The following SCN4A variants were observed in gnomAD, a reference collection of about 807,000 sequenced individuals.
The protein encoded by SCN4A is sodium channel protein type 4 subunit alpha.
In SCN4A, 83 loss-of-function variants were observed where a neutral mutation model predicts 162.0. That is an observed-to-expected ratio of 0.51 (90% CI 0.43 to 0.61). SCN4A has a LOEUF of 0.61. SCN4A is among the 20% of genes least tolerant of loss of function. SCN4A has a pLI of 0.00. For synonymous variants in SCN4A, 944 were observed against 985.1 expected, an observed-to-expected ratio of 0.96 and a Z score of 0.78; for missense variants, 2,196 against 2,462.5, an observed-to-expected ratio of 0.89 and a Z score of 2.29.
Position 63,944,395 on chromosome 17 carries a change from C to T in SCN4A, c.3912+278G>A, listed in dbSNP as rs991850954. ...GGTCTCGAACTCCTGACCTTGTGAT[C>T]CGCCCGCCTCGGCCTCCCAAAGTGC... is the stretch of plus-strand genomic sequence containing the variant. On this transcript the variant is annotated intron_variant, in intron 21 of 23. Coordinates refer to ENST00000435607, the MANE Select transcript of SCN4A (RefSeq NM_000334.4). This position sits in a 1 kb window ranked among gnomAD's most constrained non-coding sequence, Gnocchi z 4.3. Among the ~76,000 whole-genome samples the T allele has an allele frequency of 9.9e-5, 15 of 152,088 alleles. No homozygotes were observed. Among genetic ancestry groups the T allele is most frequent in the African/African-American group, 3.6e-4 (15 of 41,396 alleles).
At position 63,949,414 on chromosome 17, in the gene SCN4A, G is replaced by A. The variant is rs746636914; in HGVS notation, c.2968C>T (p.Pro990Ser). The change falls in exon 15 of 24, where the codon CCT becomes TCT. Residue 990 changes from proline to serine, a missense_variant. Pro to Ser is a moderately conservative substitution (Grantham distance 74, BLOSUM62 -1). Coordinates refer to ENST00000435607, the MANE Select transcript of SCN4A (RefSeq NM_000334.4). The stretch of plus-strand genomic sequence containing the variant: ...TCACCCTCAGTGAAGCACTCCTCAG[G>A]CTGCTCCCCCTCGGGGTTCTCCTCT... ...QAEENPEGEQ[P>S]EECFTEACVQ... 3 of 1,587,484 alleles carry A rather than the reference G, an allele frequency of 1.9e-6. No homozygotes were observed. The highest frequency in any genetic ancestry group is 1.7e-6 in the Non-Finnish European group (2 of 1,166,198).
chr17:63,965,681 G>T (rs1228150549), intron 8 of SCN4A, among the ~76,000 whole-genome samples: 1 of 152,150 alleles, frequency 6.6e-6, no homozygotes, highest in Non-Finnish European at 1.5e-5. Context: ...TAGAGATGGG[G>T]TTTCACTATG....
rs1361428850 is a variant in SCN4A, at chr17:63,966,086, G to C, written c.1242+16C>G. On this transcript the variant is annotated intron_variant, in intron 8 of 23. Transcript: ENST00000435607. ...AGTGGCTGTAGGGTTGGGGGGCAGG[G>C]TGGGGGCAGCTGTACCAGCTGGAAG... 2.6e-6 allele frequency: 4 copies of C among 1,564,014 alleles called. No individual in the cohort carries two copies. The highest frequency in any genetic ancestry group is 1.7e-4 in the Middle Eastern group (1 of 5,894).
chr17:63,966,573 C>A, intron 6 of SCN4A, 29 bp from the exon 7 acceptor site: 1 of 1,576,888 alleles, frequency 6.3e-7, no homozygotes, highest in Non-Finnish European at 8.7e-7. Flanking sequence ...ACAAAGGAGG[C>A]AAGTCACCCA....
chr17:63,963,609 C>T lies in SCN4A; in HGVS notation c.1606+63G>A, dbSNP rs184411613. Reference sequence around the variant, plus strand: ...CACCTTCCATGGCATCCCTATCCTCCTGAATCCAGTCCAGCCAGGCTCCAC... The same window carrying T: ...CACCTTCCATGGCATCCCTATCCTCTTGAATCCAGTCCAGCCAGGCTCCAC... On this transcript the variant is annotated intron_variant, in intron 10 of 23. Coordinates refer to ENST00000435607, the MANE Select transcript of SCN4A (RefSeq NM_000334.4). 2,641 of 1,465,606 alleles carry T rather than the reference C, an allele frequency of 1.8e-3. 8 individuals carry two copies. The highest frequency in any genetic ancestry group is 2.5e-3 in the Middle Eastern group (10 of 3,946). 90.8% of individuals were successfully genotyped at this position (1,465,606 alleles called of 1,614,324 possible). A position where few individuals can be genotyped will look rare whatever the true frequency, so the allele number is the denominator to read the frequency against.
rs1456381667 is a variant in SCN4A at position 63,950,147 on chromosome 17, C to CCCGG, written c.2854-623_2854-620dup. On this transcript the variant is annotated intron_variant, in intron 14 of 23. Transcript: ENST00000435607. The surrounding 1 kb of genome is among the most constrained non-coding windows in gnomAD (Gnocchi z 4.6). ...TCCTCCTGCTGGGCCAGGCCAGCTTCCCGGCCCCAGACTCCACCCGGCAGG... is the reference window on the plus strand; with the variant it reads ...TCCTCCTGCTGGGCCAGGCCAGCTTCCCGGCCGGCCCCAGACTCCACCCGGCAGG... Among the ~76,000 whole-genome samples the CCCGG allele has an allele frequency of 6.6e-6, 1 of 152,132 alleles. No individual in the cohort carries two copies. Among genetic ancestry groups the CCCGG allele is most frequent in the African/African-American group, 2.4e-5 (1 of 41,416 alleles).
At position 63,963,706 on chromosome 17, in the gene SCN4A, G is replaced by A; in HGVS notation, c.1572C>T (p.Ser524=). 1 of 1,598,028 alleles carries A rather than the reference G, an allele frequency of 6.3e-7. No individual in the cohort carries two copies. The highest frequency in any genetic ancestry group is 2.3e-5 in the East Asian group (1 of 44,164). The change falls in exon 10 of 24, where the codon AGC becomes AGT. Residue 524 remains serine, a synonymous_variant. Transcript: ENST00000435607. ...QGEKGAPRQS[S]SGDSGISDAM... ...CGTCGGAGATGCCGCTGTCTCCGCT[G>A]CTGCTCTGCCTCGGGGCTCCCTTCT...
Position 63,968,060 on chromosome 17 carries a change from G to A in SCN4A, c.999C>T (p.Asn333=), listed in dbSNP as rs149726115. 1,325 of 1,613,786 alleles carry A rather than the reference G, an allele frequency of 8.2e-4. 3 individuals carry two copies. Among genetic ancestry groups the A allele is most frequent in the Non-Finnish European group, 1.0e-3 (1,227 of 1,179,900 alleles). ...TWNSHASWAT[N]DTFDWDAYIS... is the part of the protein sequence containing the mutation. ...TGTAGGCGTCCCAATCAAAGGTATC[G>A]TTGGTGGCCCAGCTTGCATGGCTGT... Residue 333 remains asparagine, a synonymous_variant, in exon 6 of 24, where the codon AAC becomes AAT. Coordinates refer to ENST00000435607, the MANE Select transcript of SCN4A (RefSeq NM_000334.4).
chr17:63,954,883 ACT>A (rs942654848), intron 13 of SCN4A, among the ~76,000 whole-genome samples: 1 of 152,032 alleles, frequency 6.6e-6, no homozygotes, highest in Non-Finnish European at 1.5e-5. Context: ...CTGGTTCCAG[ACT>A]CTGCAGCCAG....
At chr17:63,942,302 A>T (rs948878318) in intron 23 of SCN4A, among the ~76,000 whole-genome samples, 1 of 146,816 alleles carries the variant, frequency 6.8e-6, no homozygotes, top group Non-Finnish European at 1.5e-5. Context: ...TGTGAAAGAG[A>T]CAGAGAGAGA....
At position 63,944,165 on chromosome 17, in the gene SCN4A, G is replaced by T. The variant is rs537520033; in HGVS notation, c.3913-315C>A. Among the ~76,000 whole-genome samples the T allele has an allele frequency of 6.6e-4, 100 of 152,134 alleles. No individual in the cohort carries two copies. Among genetic ancestry groups the T allele is most frequent in the South Asian group, 4.2e-4 (2 of 4,816 alleles). On this transcript the variant is annotated intron_variant, in intron 21 of 23. Transcript: ENST00000435607. This position sits in a 1 kb window ranked among gnomAD's most constrained non-coding sequence, Gnocchi z 4.3. ...CGTCTTTTTTTTTGTTGTTGAGATG[G>T]AGTCTCGCTCTGTCACCAGGCTGGA...
Position 63,944,289 on chromosome 17 carries a change from G to A in SCN4A, c.3912+384C>T, listed in dbSNP as rs1908640656. The stretch of plus-strand genomic sequence containing the variant: ...TGAGTAGCTGGGATTACAGATGCCT[G>A]CCACCACGCCTGGCTAATTTCTTTT... On this transcript the variant is annotated intron_variant, in intron 21 of 23. Transcript: ENST00000435607. The surrounding 1 kb of genome is among the most constrained non-coding windows in gnomAD (Gnocchi z 4.3). Among the ~76,000 whole-genome samples, 1 of 152,088 alleles carries A rather than the reference G, an allele frequency of 6.6e-6. No homozygotes were observed. Among genetic ancestry groups the A allele is most frequent in the African/African-American group, 2.4e-5 (1 of 41,392 alleles).
At chr17:63,957,592 A>G in intron 12 of SCN4A, 74 bp from the exon 13 acceptor site, 1 of 1,007,812 alleles carries the variant, frequency 9.9e-7, no homozygotes, top group Non-Finnish European at 1.5e-6. Flanking sequence ...CTTAGGAGAA[A>G]GAACAGTGTC....
At position 63,938,793 on chromosome 17, in the gene SCN4A, G is replaced by C. The variant is rs1469348907; in HGVS notation, c.*1978C>G. On this transcript the variant is annotated 3_prime_UTR_variant, in exon 24 of 24. Coordinates refer to ENST00000435607, the MANE Select transcript of SCN4A (RefSeq NM_000334.4). ...AGGCTCCAGGGGCTGTGCCAGCCCA[G>C]GGCCCAGGAGGGCAAGGCAGAGGGG... 1.3e-5 allele frequency: 2 copies of C among 152,792 alleles called. No homozygotes were observed. Among genetic ancestry groups the C allele is most frequent in the Non-Finnish European group, 2.9e-5 (2 of 68,130 alleles). The allele number at this position is 152,792 out of a possible 1,614,324, so 9.5% of individuals were successfully genotyped here. A position where few individuals can be genotyped will look rare whatever the true frequency, so the allele number is the denominator to read the frequency against.
At chr17:63,958,667 C>T (rs930499188) in intron 12 of SCN4A, among the ~76,000 whole-genome samples, 64 of 152,282 alleles carry the variant, frequency 4.2e-4, no homozygotes, top group African/African-American at 1.5e-3. Context: ...ATTCTCCTGC[C>T]TCAGCCTCCC....
At chr17:63,967,864 C>A (rs1019691068) in intron 6 of SCN4A, among the ~76,000 whole-genome samples, 159 bp downstream of exon 6, 1 of 148,518 alleles carries the variant, frequency 6.7e-6, no homozygotes, top group Non-Finnish European at 1.5e-5. Flanking sequence ...AGCCGGGAGG[C>A]GGAGGTTGTA....
Position 63,972,767 on chromosome 17 carries a change from C to G in SCN4A, c.75G>C (p.Leu25=). 1 of 1,613,812 alleles carries G rather than the reference C, an allele frequency of 6.2e-7. No homozygotes were observed. Among genetic ancestry groups the G allele is most frequent in the Non-Finnish European group, 8.5e-7 (1 of 1,179,826 alleles). The change falls in exon 1 of 24, where the codon CTG becomes CTC. Residue 25 remains leucine (L), a synonymous_variant. Transcript: ENST00000435607. The surrounding 1 kb of genome is among the most constrained non-coding windows in gnomAD (Gnocchi z 4.3). ...ECLRPFTRES[L]AAIEQRAVEE... ...CCACCGCCCGCTGTTCTATGGCTGC[C>G]AGTGACTCCCGGGTGAAGGGGCGCA...
At chr17:63,967,847 C>T (rs898311810) in intron 6 of SCN4A, among the ~76,000 whole-genome samples, 176 bp downstream of exon 6, 5 of 151,460 alleles carry the variant, frequency 3.3e-5, no homozygotes, top group Admixed American at 1.3e-4. Flanking sequence ...GCAGGAGAAT[C>T]GCTTGAAGCC....
chr17:63,949,976 G>A (rs34684062), intron 14 of SCN4A, among the ~76,000 whole-genome samples: 37,985 of 152,034 alleles, frequency 0.25, 5,778 homozygotes, highest in Middle Eastern at 0.36. Flanking sequence ...CTTCCCACCC[G>A]CAGGGTCTGT....
Sources: gnomAD v4.1 joint callset for allele counts (sites outside exome capture counted in the v4.1 genomes callset) on GRCh38, gnomAD v4.1.1 for gene constraint, Gnocchi (gnomAD v3.1) non-coding constraint, MANE v1.5 for transcripts, NCBI Gene and HGNC (gene_info 2026-07-23, HGNC 2026-07-21) for gene names.